The following FOCAD variants were observed in gnomAD, a reference collection of about 807,000 sequenced individuals.
The protein encoded by FOCAD is focadhesin.
In FOCAD, 198 loss-of-function variants were observed where a neutral mutation model predicts 225.6. The ratio of observed to expected loss-of-function variants is 0.88; its 90% CI spans 0.78 to 0.99. The LOEUF (loss-of-function observed/expected upper bound fraction) is 0.99. Ranked by LOEUF, FOCAD falls within the 50% of genes least tolerant of loss-of-function variation. The pLI is 0.00. For missense variants in FOCAD, 2,713 were observed against 2,123.6 expected (o/e 1.28, Z -5.46); for synonymous variants, 897 against 755.0 (o/e 1.19, Z -3.08).
chr9:20,785,759 G>T (rs1383597355), intron 10 of FOCAD, among the ~76,000 whole-genome samples: 1 of 152,042 alleles, frequency 6.6e-6, no homozygotes, highest in Admixed American at 6.6e-5. Context: ...CATTTCTCTT[G>T]AGTAGATACC....
intron 40 of FOCAD, among the ~76,000 whole-genome samples, chr9:20,987,466 C>T (rs1587794680): frequency 6.6e-6 from 1 of 151,922 alleles, no homozygotes; most frequent in African/African-American, 2.4e-5. Flanking sequence ...CAAGATCCCA[C>T]CACTGCACTC....
intron 35 of FOCAD, among the ~76,000 whole-genome samples, chr9:20,964,179 A>G (rs1339498252): frequency 6.6e-6 from 1 of 152,092 alleles, no homozygotes; most frequent in Non-Finnish European, 1.5e-5. Flanking sequence ...CAGCCTGGCC[A>G]ACATGGTGAA....
At chr9:20,944,902 G>A in intron 29 of FOCAD, 128 bp downstream of exon 29, 1 of 1,015,738 alleles carries the variant, frequency 9.8e-7, no homozygotes, top group Non-Finnish European at 1.4e-6. Context: ...AAATCTGAAT[G>A]ACAAACAACC....
At chr9:20,793,252 G>A (rs527410209) in intron 11 of FOCAD, among the ~76,000 whole-genome samples, 28 of 152,164 alleles carry the variant, frequency 1.8e-4, no homozygotes, top group Non-Finnish European at 3.8e-4. Flanking sequence ...GCAAAGAGAA[G>A]CACAACTGAA....
chr9:20,845,344 T>G (rs959215661), intron 15 of FOCAD, among the ~76,000 whole-genome samples: 1 of 151,560 alleles, frequency 6.6e-6, no homozygotes, highest in Non-Finnish European at 1.5e-5. Context: ...TGAACATCTC[T>G]GTATGTCTAT....
At chr9:20,772,702 G>A (rs923457270) in intron 8 of FOCAD, among the ~76,000 whole-genome samples, 10 of 152,194 alleles carry the variant, frequency 6.6e-5, no homozygotes, top group African/African-American at 2.4e-4. Context: ...TTGGAATTAA[G>A]GGAGTGTGAA....
At chr9:20,978,535 C>A in intron 37 of FOCAD, 81 bp downstream of exon 37, 1 of 963,848 alleles carries the variant, frequency 1.0e-6, no homozygotes, top group Non-Finnish European at 1.5e-6. Flanking sequence ...GGTGTGTGTT[C>A]TCAAAGTCAA....
At chr9:20,932,103 G>A (rs570653021) in intron 27 of FOCAD, among the ~76,000 whole-genome samples, 114 of 152,158 alleles carry the variant, frequency 7.5e-4, no homozygotes, top group African/African-American at 2.6e-3. Context: ...GGATATTTAA[G>A]TATATTTTAC....
intron 11 of FOCAD, among the ~76,000 whole-genome samples, chr9:20,809,339 G>C (rs1293068924): frequency 6.6e-6 from 1 of 152,186 alleles, no homozygotes; most frequent in Admixed American, 6.5e-5. Flanking sequence ...CTAGTCACAT[G>C]TAACTATTAA....
intron 11 of FOCAD, among the ~76,000 whole-genome samples, chr9:20,814,591 A>G (rs1360543809): frequency 6.6e-6 from 1 of 152,028 alleles, no homozygotes; most frequent in African/African-American, 2.4e-5. Flanking sequence ...TCCTGCCCTC[A>G]AGTGATCCAT....
chr9:20,878,692 T>C (rs934724772), intron 19 of FOCAD, among the ~76,000 whole-genome samples: 28 of 152,160 alleles, frequency 1.8e-4, no homozygotes, highest in African/African-American at 6.8e-4. Context: ...AGGGGACCGA[T>C]TAGGATAATT....
chr9:20,964,791 C>A (rs867367816), intron 35 of FOCAD, among the ~76,000 whole-genome samples: 1 of 152,142 alleles, frequency 6.6e-6, no homozygotes, highest in Non-Finnish European at 1.5e-5. Context: ...TCCTCGGCCT[C>A]CCAAAGTGCT....
At chr9:20,914,948 G>A (rs1432432731) in intron 23 of FOCAD, among the ~76,000 whole-genome samples, 2 of 152,128 alleles carry the variant, frequency 1.3e-5, no homozygotes, top group South Asian at 2.1e-4. Context: ...GATATCATAC[G>A]TTATAAATGC....
intron 24 of FOCAD, among the ~76,000 whole-genome samples, chr9:20,921,774 T>C (rs145675721): frequency 0.02 from 2,997 of 152,302 alleles, 42 homozygotes; most frequent in Middle Eastern, 0.037. Flanking sequence ...TCAAGACTAG[T>C]GAAGGATTTG....
At chr9:20,968,767 C>T (rs1456719074) in intron 35 of FOCAD, among the ~76,000 whole-genome samples, 2 of 151,942 alleles carry the variant, frequency 1.3e-5, no homozygotes, top group Admixed American at 1.3e-4. Flanking sequence ...TTAATTATCT[C>T]CACTCTAAAC....
chr9:20,820,886 A>G, intron 13 of FOCAD, 55 bp from the exon 14 acceptor site: 1 of 1,585,812 alleles, frequency 6.3e-7, no homozygotes, highest in Non-Finnish European at 8.6e-7. Context: ...AAGGAAGATA[A>G]TGATTATTCA....
At chr9:20,930,122 G>A (rs900466840) in intron 27 of FOCAD, among the ~76,000 whole-genome samples, 4 of 152,116 alleles carry the variant, frequency 2.6e-5, no homozygotes, top group African/African-American at 9.7e-5. Flanking sequence ...AATCCTTAAA[G>A]AGTCTTAATC....
chr9:20,823,560 TAAA>T (rs1824553680), intron 15 of FOCAD, among the ~76,000 whole-genome samples: 1 of 152,002 alleles, frequency 6.6e-6, no homozygotes, highest in Non-Finnish European at 1.5e-5. Flanking sequence ...GTAGGGTGGG[TAAA>T]TGTTAGAACT....
chr9:20,956,644 A>G (rs769030070), intron 35 of FOCAD, among the ~76,000 whole-genome samples: 4 of 152,110 alleles, frequency 2.6e-5, no homozygotes, highest in East Asian at 1.9e-4. Context: ...AAAGAATCCT[A>G]TTGCATTGGT....
Sources: gnomAD v4.1 joint callset for allele counts (sites outside exome capture counted in the v4.1 genomes callset) on GRCh38, gnomAD v4.1.1 for gene constraint, MANE v1.5 for transcripts, NCBI Gene and HGNC (gene_info 2026-07-23, HGNC 2026-07-21) for gene names.